The following NPIPB11 variants were observed in gnomAD, a reference collection of about 807,000 sequenced individuals.
NPIPB11 encodes the protein nuclear pore complex interacting protein family member B11, also known as nuclear pore complex-interacting protein family member B11.
Under a neutral mutation model 32.8 loss-of-function variants are expected in NPIPB11, and 17 were observed. The ratio of observed to expected loss-of-function variants is 0.52; its 90% CI spans 0.35 to 0.78. The LOEUF (loss-of-function observed/expected upper bound fraction) is 0.78, where lower values mean the gene tolerates loss of function less well. NPIPB11 is among the 30% of genes least tolerant of loss of function. The pLI is 0.01. For synonymous variants in NPIPB11, 209 were observed against 398.4 expected, an observed-to-expected ratio of 0.52 and a Z score of 5.66; for missense variants, 537 against 1,000.4, an observed-to-expected ratio of 0.54 and a Z score of 6.25.
intron 2 of NPIPB11, among the ~76,000 whole-genome samples, chr16:29,400,147 G>A (rs1195417999): frequency 2.0e-5 from 3 of 151,194 alleles, no homozygotes; most frequent in Non-Finnish European, 4.4e-5. Flanking sequence ...GTAAGTGGGG[G>A]TTGAAGTCAG....
exon 8 of NPIPB11, chr16:29,384,073 C>T (rs1407917479): frequency 3.2e-6 from 4 of 1,244,954 alleles, no homozygotes; most frequent in Admixed American, 2.1e-5. Flanking sequence ...AGCAGACACT[C>T]GGGAGGTGTC....
rs758363087 is a variant in NPIPB11, at chr16:29,383,267, A to G, written c.1665T>C (p.Asp555=). ...GACGCTCGGAAGGTGTCTTGAGATT[A>G]TCATCCGCTGAGGGTGGAAGCGGCC... The change falls in exon 8 of 8, where the codon GAT becomes GAC. Residue 555 remains aspartate, a synonymous_variant. Transcript: ENST00000524087. 10 of 1,562,032 alleles carry G rather than the reference A, an allele frequency of 6.4e-6. 2 individuals are homozygous for G. The South Asian group carries it at 7.9e-5, about 12-fold the overall frequency.
At chr16:29,394,807 G>A (rs1165845343) in intron 2 of NPIPB11, among the ~76,000 whole-genome samples, 1 of 151,174 alleles carries the variant, frequency 6.6e-6, no homozygotes. Flanking sequence ...GTGCAGTGGT[G>A]TGCTCTCGGC....
At chr16:29,391,134 A>G (rs1199037985) in intron 3 of NPIPB11, among the ~76,000 whole-genome samples, 1 of 136,126 alleles carries the variant, frequency 7.3e-6, no homozygotes, top group Non-Finnish European at 1.6e-5. Context: ...GAGCATGGTG[A>G]TGCACGCCTG....
At chr16:29,396,377 A>G (rs1963852370) in intron 2 of NPIPB11, among the ~76,000 whole-genome samples, 1 of 150,592 alleles carries the variant, frequency 6.6e-6, no homozygotes, top group South Asian at 2.1e-4. Flanking sequence ...ATGCATCTGT[A>G]TACGCGAAAT....
chr16:29,405,742 T>C (rs1383756879), upstream of NPIPB11, among the ~76,000 whole-genome samples: 45 of 152,090 alleles, frequency 3.0e-4, no homozygotes, highest in Middle Eastern at 3.4e-3. Flanking sequence ...ATGTTCTTGT[T>C]TCAAGTCCAA....
chr16:29,383,203 C>T (rs1963535587), exon 8 of NPIPB11: 2 of 1,567,090 alleles, frequency 1.3e-6, no homozygotes, highest in Non-Finnish European at 1.7e-6. Flanking sequence ...ATATTATCAT[C>T]TGCTGAGGGT....
chr16:29,397,704 G>A (rs1462069703), intron 2 of NPIPB11: 11 of 664,908 alleles, frequency 1.7e-5, no homozygotes, highest in Admixed American at 2.8e-5. Flanking sequence ...GCTTAGGGCA[G>A]GGGGGAGGGA....
Position 29,383,083 on chromosome 16 carries a change from G to A in NPIPB11, c.1849C>T (p.Gln617Ter). ...AGGTATCTTGATATTATCATCTGCT[G>A]AGGGTGGAGCTGAGGGTGGAAGGGG... Residue 617 changes from glutamine (Q) to a stop codon, truncating the protein, a stop_gained, in exon 8 of 8, where the codon CAG (glutamine) becomes TAG (stop). Coordinates refer to ENST00000524087, the Ensembl canonical transcript of NPIPB11. LOFTEE classifies it low-confidence loss of function (END_TRUNC). The A allele has an allele frequency of 6.3e-7, 1 of 1,598,830 alleles. No homozygotes were observed. Among genetic ancestry groups the A allele is most frequent in the Non-Finnish European group, 8.5e-7 (1 of 1,174,536 alleles).
At chr16:29,397,549 G>A in intron 2 of NPIPB11, 5 of 1,525,718 alleles carry the variant, frequency 3.3e-6, no homozygotes, top group Non-Finnish European at 4.4e-6. Context: ...GAAACCCCGA[G>A]GGTCCAGCGT....
intron 2 of NPIPB11, among the ~76,000 whole-genome samples, chr16:29,400,205 G>C (rs257869): frequency 0.046 from 6,832 of 147,904 alleles, 387 homozygotes; most frequent in East Asian, 0.28. Flanking sequence ...TCCATGAAGG[G>C]TTGCTAGAGT....
intron 5 of NPIPB11, 82 bp downstream of exon 5, chr16:29,389,859 A>C (rs1277156970): frequency 2.0e-5 from 31 of 1,570,044 alleles, no homozygotes; most frequent in Non-Finnish European, 2.6e-5. Context: ...TATTGTAGAA[A>C]ATATTCTCAA....
chr16:29,397,569 C>T (rs979639452), intron 2 of NPIPB11: 30 of 1,523,650 alleles, frequency 2.0e-5, no homozygotes, highest in South Asian at 1.4e-4. Context: ...TCTACTCACA[C>T]GGATGCACTG....
intron 3 of NPIPB11, among the ~76,000 whole-genome samples, chr16:29,391,690 G>A (rs999834556): frequency 4.6e-5 from 7 of 152,030 alleles, no homozygotes; most frequent in Non-Finnish European, 1.0e-4. Flanking sequence ...TCAGATGTCG[G>A]TCAGATACCT....
chr16:29,402,724 C>CGTG (rs1964023878), intron 2 of NPIPB11, among the ~76,000 whole-genome samples: 1 of 119,674 alleles, frequency 8.4e-6, no homozygotes, highest in African/African-American at 3.2e-5. Flanking sequence ...CTCTCTCTCT[C>CGTG]TGTGTGTGTG....
chr16:29,401,487 G>A (rs1351776570), intron 2 of NPIPB11, among the ~76,000 whole-genome samples: 1 of 152,066 alleles, frequency 6.6e-6, no homozygotes, highest in Non-Finnish European at 1.5e-5. Flanking sequence ...AACTCCACCT[G>A]GCTGAGGATA....
At chr16:29,393,585 G>T (rs1302152308) in intron 3 of NPIPB11, among the ~76,000 whole-genome samples, 2 of 150,884 alleles carry the variant, frequency 1.3e-5, no homozygotes, top group Non-Finnish European at 3.0e-5. Flanking sequence ...AATCTTCAGA[G>T]AGGAGATTGG....
chr16:29,392,803 A>G (rs1343328445), intron 3 of NPIPB11, among the ~76,000 whole-genome samples: 33 of 134,266 alleles, frequency 2.5e-4, no homozygotes, highest in Non-Finnish European at 4.3e-4. Flanking sequence ...AGAATGTTAA[A>G]TGTGCCTAGA....
upstream of NPIPB11, among the ~76,000 whole-genome samples, chr16:29,406,420 T>G (rs1023510996): frequency 9.2e-5 from 14 of 152,392 alleles, 1 homozygote; most frequent in African/African-American, 3.4e-4. Context: ...TATATTTGTA[T>G]AAACACGTCA....
Sources: allele counts gnomAD v4.1 joint callset (sites outside exome capture counted in the v4.1 genomes callset), GRCh38; gene constraint gnomAD v4.1.1; transcripts MANE v1.5; gene names NCBI Gene and HGNC (gene_info 2026-07-23, HGNC 2026-07-21).